WDR3: variants seen among roughly 807,000 people sequenced by gnomAD.
WDR3 encodes WD repeat-containing protein 3.
In WDR3, 81 loss-of-function variants were observed where a neutral mutation model predicts 123.7. That is an observed-to-expected ratio of 0.65 (90% CI 0.55 to 0.79). The LOEUF (loss-of-function observed/expected upper bound fraction) is 0.79, where lower values mean the gene tolerates loss of function less well. Ranked by LOEUF, WDR3 falls within the 30% of genes least tolerant of loss-of-function variation. WDR3 has a pLI of 0.00. For missense variants in WDR3, 1,027 were observed against 1,123.2 expected (o/e 0.91, Z 1.22); for synonymous variants, 390 against 388.8 (o/e 1.00, Z -0.04).
At chr1:117,930,250 C>CA (rs1308883135) in intron 1 of WDR3, among the ~76,000 whole-genome samples, 3 of 152,096 alleles carry the variant, frequency 2.0e-5, no homozygotes, top group Non-Finnish European at 4.4e-5. Context: ...GAAAGCTGTG[C>CA]ACGTGGAACA....
At chr1:117,940,763 C>A (rs1651118876) in intron 6 of WDR3, 64 bp from the exon 7 acceptor site, 1 of 1,411,648 alleles carries the variant, frequency 7.1e-7, no homozygotes, top group African/African-American at 1.4e-5. Flanking sequence ...ACAACAACAA[C>A]AACAACAACA....
At chr1:117,933,715 A>G in intron 2 of WDR3, 1 of 584,734 alleles carries the variant, frequency 1.7e-6, no homozygotes, top group Non-Finnish European at 3.1e-6. Context: ...TATTTCTTAG[A>G]TGTCTATTTG....
Position 117,936,755 on chromosome 1 carries a change from T to G in WDR3, c.382-14T>G, listed in dbSNP as rs577875775. On this transcript the variant is annotated splice_polypyrimidine_tract_variant and intron_variant, in intron 3 of 26. Coordinates refer to ENST00000349139, the MANE Select transcript of WDR3 (RefSeq NM_006784.3). ...AGAAAATTATTTTTCATCTGTATTA[T>G]TTGATCCCTTTAGGACACAGATATT... 6 of 1,582,214 alleles carry G rather than the reference T, an allele frequency of 3.8e-6. No individual in the cohort carries two copies. Among genetic ancestry groups the G allele is most frequent in the Non-Finnish European group, 4.3e-6 (5 of 1,159,726 alleles).
At chr1:117,937,050 G>C (rs1387584305) in intron 4 of WDR3, among the ~76,000 whole-genome samples, 163 bp downstream of exon 4, 1 of 151,998 alleles carries the variant, frequency 6.6e-6, no homozygotes, top group African/African-American at 2.4e-5. Flanking sequence ...TAGTATCGTA[G>C]AGCTATCCAA....
At chr1:117,934,890 CTT>C (rs997092388) in intron 3 of WDR3, among the ~76,000 whole-genome samples, 1 of 152,142 alleles carries the variant, frequency 6.6e-6, no homozygotes, top group Non-Finnish European at 1.5e-5. Context: ...ATAAAAGCCT[CTT>C]AAGTGTAGGA....
Position 117,966,495 on chromosome 1 carries a change from C to A in WDR3, c.*7048C>A. The A allele has an allele frequency of 9.2e-7, 1 of 1,089,792 alleles. No individual in the cohort carries two copies. The highest frequency in any genetic ancestry group is 2.4e-5 in the South Asian group (1 of 42,462). 67.5% of individuals were successfully genotyped at this position (1,089,792 alleles called of 1,614,324 possible). A position where few individuals can be genotyped will look rare whatever the true frequency, so the allele number is the denominator to read the frequency against. On this transcript the variant is annotated 3_prime_UTR_variant, in exon 27 of 27. Transcript: ENST00000349139. ...GCTCTTTGTCTTAATAAATTTAACT[C>A]TGATTTTGAAGATAGAATTAATAAA...
At chr1:117,942,842 T>A (rs1651220320) in intron 10 of WDR3, among the ~76,000 whole-genome samples, 1 of 150,082 alleles carries the variant, frequency 6.7e-6, no homozygotes. Flanking sequence ...TTATAAAGAA[T>A]ACATACACAG....
At chr1:117,932,600 T>C (rs576688586) in intron 1 of WDR3, among the ~76,000 whole-genome samples, 1 of 152,288 alleles carries the variant, frequency 6.6e-6, no homozygotes, top group African/African-American at 2.4e-5. Flanking sequence ...GTCTAATTGG[T>C]AGGTTTTCAA....
intron 11 of WDR3, 44 bp downstream of exon 11, chr1:117,943,670 CTT>C: frequency 6.4e-7 from 1 of 1,574,158 alleles, no homozygotes; most frequent in Non-Finnish European, 8.6e-7. Context: ...AGTAGTATTT[CTT>C]TTAATTTTTT....
Position 117,943,635 on chromosome 1 carries a change from A to G in WDR3, c.1328+9A>G. The G allele has an allele frequency of 6.2e-7, 1 of 1,613,326 alleles. No homozygotes were observed. Among genetic ancestry groups the G allele is most frequent in the Non-Finnish European group, 8.5e-7 (1 of 1,179,488 alleles). On this transcript the variant is annotated intron_variant, in intron 11 of 26. Coordinates refer to ENST00000349139, the MANE Select transcript of WDR3 (RefSeq NM_006784.3). ...ATTAAAATATGGAACAGGTTCGTGA[A>G]ATGATGTTTTATATAGCTGTAGTTA...
chr1:117,932,207 T>C (rs1650756141), intron 1 of WDR3, among the ~76,000 whole-genome samples: 1 of 152,218 alleles, frequency 6.6e-6, no homozygotes. Flanking sequence ...AGTGCAGAAA[T>C]TATGGCATCT....
chr1:117,938,306 A>G (rs2101197696), intron 4 of WDR3, among the ~76,000 whole-genome samples, 174 bp from the exon 5 acceptor site: 1 of 152,354 alleles, frequency 6.6e-6, no homozygotes, highest in South Asian at 2.1e-4. Flanking sequence ...AGGAATAACT[A>G]CAAGGAAAGT....
chr1:117,939,823 A>G (rs1258800943), intron 6 of WDR3, among the ~76,000 whole-genome samples: 1 of 152,206 alleles, frequency 6.6e-6, no homozygotes, highest in African/African-American at 2.4e-5. Flanking sequence ...TCTTAATCAG[A>G]TATTCTTGGA....
chr1:117,933,217 C>T, intron 1 of WDR3, 71 bp from the exon 2 acceptor site: 1 of 1,337,674 alleles, frequency 7.5e-7, no homozygotes, highest in Non-Finnish European at 1.0e-6. Context: ...AACAAAAAAA[C>T]AGTTGGTGTT....
chr1:117,943,205 G>A (rs1210250074), intron 10 of WDR3, among the ~76,000 whole-genome samples, 191 bp from the exon 11 acceptor site: 2 of 152,018 alleles, frequency 1.3e-5, no homozygotes, highest in Admixed American at 6.6e-5. Flanking sequence ...CACCCGCCTC[G>A]GCCTCCCAAC....
At chr1:117,953,328 T>C in intron 20 of WDR3, 148 bp from the exon 21 acceptor site, 2 of 793,664 alleles carry the variant, frequency 2.5e-6, no homozygotes, top group South Asian at 3.2e-5. Flanking sequence ...ATAATACATA[T>C]GCTAAGTTCT....
chr1:117,951,990 AGCAACTG>A lies in WDR3; in HGVS notation c.1821_1827del (p.Thr608ProfsTer6), dbSNP rs1045120752. The stretch of plus-strand genomic sequence containing the variant: ...ATTTCTCATAGGATGGAGCACTCAT[AGCAACTG>A]GCTCCGCTGATAGGAATGTGAAAAT... On this transcript the variant is annotated frameshift_variant, in exon 17 of 27. Transcript: ENST00000349139. LOFTEE classifies it high-confidence loss of function. 2 of 1,613,202 alleles carry A rather than the reference AGCAACTG, an allele frequency of 1.2e-6. No homozygotes were observed. Among genetic ancestry groups the A allele is most frequent in the Non-Finnish European group, 1.7e-6 (2 of 1,179,338 alleles).
rs766339416 is a variant in WDR3 at position 117,941,815 on chromosome 1, T to A, written c.957T>A (p.Asp319Glu). The A allele has an allele frequency of 1.9e-6, 3 of 1,610,002 alleles. No individual in the cohort carries two copies. The Middle Eastern group carries it at 5.0e-4, about 266-fold the overall frequency. The change falls in exon 9 of 27, where the codon GAT (aspartate) becomes GAA (glutamate). Residue 319 changes from aspartate (D) to glutamate (E), a missense_variant. Asp to Glu is a conservative substitution (Grantham distance 45). Coordinates refer to ENST00000349139, the MANE Select transcript of WDR3 (RefSeq NM_006784.3). ...LSKKEIQKKM[D>E]KKMKKARKKA... ...AAAAGGAAATTCAGAAGAAAATGGA[T>A]AAGAAGATGAAGAAAGCTAGAAAGA...
intron 13 of WDR3, among the ~76,000 whole-genome samples, chr1:117,948,730 T>A (rs376918797): frequency 7.9e-5 from 12 of 152,222 alleles, no homozygotes; most frequent in African/African-American, 2.9e-4. Flanking sequence ...CTTACCATCA[T>A]GATTTTTTTG....
Sources: allele counts gnomAD v4.1 joint callset (sites outside exome capture counted in the v4.1 genomes callset), GRCh38; gene constraint gnomAD v4.1.1; transcripts MANE v1.5; gene names NCBI Gene and HGNC (gene_info 2026-07-23, HGNC 2026-07-21).